Variants in CGGBP1 observed in about 807,000 individuals in gnomAD.
CGGBP1 encodes CGG triplet repeat-binding protein 1.
CGGBP1 carries 4 observed loss-of-function variants against 11.4 expected under a neutral mutation model. The observed-to-expected ratio is 0.35, with a 90% CI of 0.17 to 0.80. The LOEUF (loss-of-function observed/expected upper bound fraction) is 0.80. Ranked by LOEUF, CGGBP1 falls within the 30% of genes least tolerant of loss-of-function variation. The pLI, the probability that CGGBP1 is intolerant of heterozygous loss-of-function variation, is 0.52. For synonymous variants in CGGBP1, 76 were observed against 74.1 expected (o/e 1.03, Z -0.13); for missense variants, 135 against 202.1 (o/e 0.67, Z 2.01).
intron 2 of CGGBP1, chr3:88,129,952 CAAGGA>C: frequency 1.2e-5 from 10 of 817,610 alleles, no homozygotes; most frequent in Non-Finnish European, 1.7e-5. Context: ...ATTGATTGTG[CAAGGA>C]ACAATAGTAG....
At chr3:88,112,334 G>T (rs1248230727) in intron 2 of CGGBP1, among the ~76,000 whole-genome samples, 1 of 151,770 alleles carries the variant, frequency 6.6e-6, no homozygotes, top group Non-Finnish European at 1.5e-5. Flanking sequence ...TCTGCTAGAT[G>T]AATTAAGATC....
intron 1 of CGGBP1, among the ~76,000 whole-genome samples, chr3:88,146,000 T>C (rs1707306464): frequency 6.6e-6 from 1 of 152,242 alleles, no homozygotes; most frequent in African/African-American, 2.4e-5. Flanking sequence ...TGAGTGGATC[T>C]AATAATCCAC....
upstream of CGGBP1, chr3:88,059,511 G>A (rs1706714057): frequency 6.8e-7 from 1 of 1,466,218 alleles, no homozygotes. Flanking sequence ...GTCAGGTGAG[G>A]CGTCCGTTGG....
intron 2 of CGGBP1, among the ~76,000 whole-genome samples, chr3:88,115,432 G>A (rs1367972708): frequency 1.3e-5 from 2 of 152,208 alleles, no homozygotes; most frequent in African/African-American, 4.8e-5. Flanking sequence ...TGGGTTAAAT[G>A]AGTAAAGTGC....
chr3:88,120,727 A>G (rs944643896), intron 2 of CGGBP1, among the ~76,000 whole-genome samples: 2 of 152,202 alleles, frequency 1.3e-5, no homozygotes, highest in African/African-American at 4.8e-5. Context: ...TACTCATACT[A>G]TATACATTAT....
intron 2 of CGGBP1, chr3:88,126,399 C>A: frequency 9.6e-7 from 1 of 1,039,384 alleles, no homozygotes; most frequent in African/African-American, 1.6e-5. Context: ...TGTATTTTCA[C>A]ATGAAAAGTG....
chr3:88,116,571 C>T (rs1705414688), intron 2 of CGGBP1, among the ~76,000 whole-genome samples: 1 of 151,030 alleles, frequency 6.6e-6, no homozygotes, highest in African/African-American at 2.4e-5. Flanking sequence ...TACACACACA[C>T]ACACACATGC....
chr3:88,105,367 G>A (rs1704674433), intron 2 of CGGBP1, among the ~76,000 whole-genome samples: 1 of 151,964 alleles, frequency 6.6e-6, no homozygotes, highest in Non-Finnish European at 1.5e-5. Context: ...ACAATTTATG[G>A]TATTCTGTGA....
chr3:88,077,489 C>T lies in CGGBP1; in HGVS notation c.-228-19266G>A, dbSNP rs1242616583. On this transcript the variant is annotated intron_variant, in intron 2 of 3. Coordinates refer to the CGGBP1 transcript ENST00000462901. ...GTGGGACTACAGACGCCTGCCACCACGCCCGGCTAATTTTTTGTGATTTTT... is the reference window on the plus strand; with the variant it reads ...GTGGGACTACAGACGCCTGCCACCATGCCCGGCTAATTTTTTGTGATTTTT... Among the ~76,000 whole-genome samples the T allele has an allele frequency of 3.9e-5, 5 of 127,432 alleles. No homozygotes were observed. The South Asian group carries it at 1.0e-3, about 26-fold the overall frequency. 83.6% of individuals were successfully genotyped at this position (127,432 alleles called of 152,430 possible).
intron 1 of CGGBP1, among the ~76,000 whole-genome samples, chr3:88,148,910 A>T (rs1261736743): frequency 6.6e-6 from 1 of 152,066 alleles, no homozygotes; most frequent in Non-Finnish European, 1.5e-5. Context: ...CGAAGTGCTG[A>T]GATTACAGGC....
At chr3:88,138,170 A>G (rs1706912567) in intron 2 of CGGBP1, among the ~76,000 whole-genome samples, 1 of 152,162 alleles carries the variant, frequency 6.6e-6, no homozygotes, top group South Asian at 2.1e-4. Flanking sequence ...TATGTGTGCC[A>G]CATTTCCCCC....
At chr3:88,105,898 G>A (rs1241063075) in intron 2 of CGGBP1, among the ~76,000 whole-genome samples, 1 of 152,170 alleles carries the variant, frequency 6.6e-6, no homozygotes, top group East Asian at 1.9e-4. Context: ...GGCCATGAGG[G>A]CCTGCCCTCA....
At chr3:88,056,125 G>T in intron 3 of CGGBP1, 126 bp from the exon 4 acceptor site, 1 of 658,776 alleles carries the variant, frequency 1.5e-6, no homozygotes, top group Non-Finnish European at 2.5e-6. Flanking sequence ...TTAGTAGACT[G>T]TGTGTCTATT....
intron 2 of CGGBP1, chr3:88,126,119 A>AT: frequency 1.4e-6 from 2 of 1,466,694 alleles, no homozygotes; most frequent in Non-Finnish European, 1.8e-6. Flanking sequence ...AGCCAAAATG[A>AT]TTTTTCTCTC....
chr3:88,144,507 C>T (rs1485291249), intron 1 of CGGBP1: 1 of 152,316 alleles, frequency 6.6e-6, no homozygotes, highest in Non-Finnish European at 1.5e-5. Flanking sequence ...ATTTGTGCTT[C>T]CTTGTTGAAT....
chr3:88,081,295 G>A (rs1166775085), intron 2 of CGGBP1, among the ~76,000 whole-genome samples: 2 of 152,078 alleles, frequency 1.3e-5, no homozygotes, highest in Non-Finnish European at 2.9e-5. Context: ...AAGTTTATGT[G>A]GGGGTTTTCC....
chr3:88,087,278 G>A lies in CGGBP1; in HGVS notation c.-228-29055C>T, dbSNP rs561762061. 1.5e-4 allele frequency among the ~76,000 whole-genome samples: 23 copies of A among 150,890 alleles called. No individual in the cohort carries two copies. In the South Asian group the frequency reaches 4.8e-3, roughly 32 times the overall value. ...TTTTTAGTAGAGACAGGGTTTCACC[G>A]TGTTGGCCAGGCTGGTCTTGAACTC... On this transcript the variant is annotated intron_variant, in intron 2 of 3. Transcript: ENST00000462901.
intron 2 of CGGBP1, among the ~76,000 whole-genome samples, chr3:88,065,478 A>C (rs1364358668): frequency 6.6e-6 from 1 of 152,184 alleles, no homozygotes; most frequent in Admixed American, 6.6e-5. Context: ...ATATTTATTC[A>C]TACGAGAAAC....
At chr3:88,089,064 C>T (rs560867897) in intron 2 of CGGBP1, among the ~76,000 whole-genome samples, 11 of 151,636 alleles carry the variant, frequency 7.3e-5, no homozygotes, top group South Asian at 2.1e-4. Flanking sequence ...TGAGCTACCA[C>T]GCCTGACCTA....
Sources: allele counts gnomAD v4.1 joint callset (sites outside exome capture counted in the v4.1 genomes callset), GRCh38; gene constraint gnomAD v4.1.1; transcripts MANE v1.5; gene names NCBI Gene and HGNC (gene_info 2026-07-23, HGNC 2026-07-21).